SOBP: variants seen among roughly 807,000 people sequenced by gnomAD.
SOBP encodes sine oculis-binding protein homolog.
Under a neutral mutation model 53.6 loss-of-function variants are expected in SOBP, and 4 were observed. That is an observed-to-expected ratio of 0.07 (90% CI 0.04 to 0.17). The LOEUF is 0.17. Among genes scored for constraint, SOBP ranks in the 10% least tolerant of loss-of-function variants. SOBP has a pLI of 1.00. For missense variants in SOBP, 1,088 were observed against 1,204.7 expected, an observed-to-expected ratio of 0.90 and a Z score of 1.43; for synonymous variants, 584 against 522.6, an observed-to-expected ratio of 1.12 and a Z score of -1.60.
At chr6:107,628,139 G>A (rs186626423) in intron 5 of SOBP, among the ~76,000 whole-genome samples, 186 of 152,360 alleles carry the variant, frequency 1.2e-3, no homozygotes, top group Admixed American at 2.2e-3. Flanking sequence ...TTGAGCCGAA[G>A]AGGAATGATT....
chr6:107,521,985 C>A (rs796067259), intron 3 of SOBP, among the ~76,000 whole-genome samples: 10 of 149,678 alleles, frequency 6.7e-5, no homozygotes, highest in African/African-American at 2.5e-4. Flanking sequence ...TGAGAATTAC[C>A]AAGTCCAGAG....
chr6:107,621,020 AT>A (rs1786986288), intron 5 of SOBP: 2 of 208,898 alleles, frequency 9.6e-6, no homozygotes, highest in Non-Finnish European at 1.7e-5. Context: ...GACAACTGAT[AT>A]GTAATTGTTG....
chr6:107,538,290 GC>G (rs1784060326), intron 4 of SOBP, among the ~76,000 whole-genome samples: 1 of 152,098 alleles, frequency 6.6e-6, no homozygotes, highest in Non-Finnish European at 1.5e-5. Flanking sequence ...TGTAACAATT[GC>G]CCTGTTAATC....
chr6:107,503,768 A>G lies in SOBP; in HGVS notation c.208A>G (p.Ser70Gly). 6.2e-7 allele frequency: 1 copy of G among 1,614,122 alleles called. No homozygotes were observed. Among genetic ancestry groups the G allele is most frequent in the South Asian group, 1.1e-5 (1 of 91,072 alleles). ...EFRSYPTDGE[S>G]RQHISVLKEN... Reference sequence around the variant, plus strand: ...CAGGAGCTACCCTACAGATGGGGAGAGCCGGCAGCACATTTCTGTTCTCAA... The same window carrying G: ...CAGGAGCTACCCTACAGATGGGGAGGGCCGGCAGCACATTTCTGTTCTCAA... Residue 70 changes from serine to glycine, a missense_variant, in exon 2 of 7, where the codon AGC (serine) becomes GGC (glycine). By Grantham distance (56) the Ser-to-Gly change is moderately conservative. Transcript: ENST00000317357.
intron 3 of SOBP, among the ~76,000 whole-genome samples, chr6:107,524,804 G>A (rs1047142767): frequency 6.6e-6 from 1 of 152,208 alleles, no homozygotes; most frequent in Non-Finnish European, 1.5e-5. Flanking sequence ...ATGGAAATGC[G>A]CATGCCTCAG....
At chr6:107,503,532 C>A in intron 1 of SOBP, 125 bp from the exon 2 acceptor site, 1 of 1,016,102 alleles carries the variant, frequency 9.8e-7, no homozygotes, top group South Asian at 1.3e-5. Context: ...AAATGAACAC[C>A]ACACTAGGGG....
At chr6:107,616,093 G>A (rs1287534854) in intron 5 of SOBP, among the ~76,000 whole-genome samples, 1 of 121,380 alleles carries the variant, frequency 8.2e-6, no homozygotes, top group African/African-American at 3.1e-5. Flanking sequence ...GTGGGGGGGG[G>A]GCGGGGGGGC....
chr6:107,521,967 A>C (rs201456712), intron 3 of SOBP, among the ~76,000 whole-genome samples: 29 of 140,234 alleles, frequency 2.1e-4, no homozygotes, highest in Middle Eastern at 3.5e-3. Context: ...CACAAACTCA[A>C]TCAAGTCTGA....
intron 6 of SOBP, among the ~76,000 whole-genome samples, chr6:107,643,483 C>T (rs1428198860): frequency 1.3e-5 from 2 of 152,088 alleles, no homozygotes; most frequent in Non-Finnish European, 2.9e-5. Context: ...GTGACGCGAT[C>T]TCGGCCCACT....
chr6:107,634,701 G>T lies in SOBP; in HGVS notation c.1857G>T (p.Glu619Asp). 6.7e-7 allele frequency: 1 copy of T among 1,492,522 alleles called. No homozygotes were observed. Among genetic ancestry groups the T allele is most frequent in the Non-Finnish European group, 8.9e-7 (1 of 1,128,476 alleles). The allele number at this position is 1,492,522 out of a possible 1,614,324, so 92.5% of individuals were successfully genotyped here. ...CGCCCGCCGAGCATGGCCGGAGCGA[G>T]GTGGTGGACCTGACGCGGCGCGCCG... Reference protein sequence around the residue: ...APTPAEHGRSEVVDLTRRAGS... With the variant: ...APTPAEHGRSDVVDLTRRAGS... Residue 619 changes from glutamate to aspartate, a missense_variant, in exon 6 of 7, where the codon GAG (glutamate) becomes GAT (aspartate). This residue lies in a region of SOBP where 665 missense variants were observed against 629.7 expected (regional missense o/e 1.06). Coordinates refer to ENST00000317357, the MANE Select transcript of SOBP (RefSeq NM_018013.4). This position sits in a 1 kb window ranked among gnomAD's most constrained non-coding sequence, Gnocchi z 4.5.
At chr6:107,604,748 C>T (rs1476645768) in intron 5 of SOBP, among the ~76,000 whole-genome samples, 1 of 152,138 alleles carries the variant, frequency 6.6e-6, no homozygotes, top group South Asian at 2.1e-4. Context: ...GGCCCTGAAG[C>T]GGGGTGAGGT....
intron 3 of SOBP, among the ~76,000 whole-genome samples, chr6:107,507,546 TCCAC>T (rs1783032968): frequency 6.6e-6 from 1 of 152,166 alleles, no homozygotes. Flanking sequence ...CCTCAGGTGA[TCCAC>T]CCACCTCGGC....
intron 5 of SOBP, among the ~76,000 whole-genome samples, chr6:107,608,438 G>A (rs1786471012): frequency 6.6e-6 from 1 of 152,018 alleles, no homozygotes. Flanking sequence ...TAGTTGCGTG[G>A]TATTAGAATG....
At chr6:107,511,872 G>A (rs551465408) in intron 3 of SOBP, among the ~76,000 whole-genome samples, 1 of 152,018 alleles carries the variant, frequency 6.6e-6, no homozygotes, top group South Asian at 2.1e-4. Context: ...CCTTGGTATG[G>A]TTTGTGACAG....
intron 5 of SOBP, among the ~76,000 whole-genome samples, chr6:107,628,549 G>A (rs1770565829): frequency 1.3e-5 from 2 of 152,170 alleles, no homozygotes; most frequent in Non-Finnish European, 2.9e-5. Flanking sequence ...TAAAACATGT[G>A]GGACAGGCTG....
chr6:107,544,078 A>G (rs1021302156), intron 4 of SOBP, among the ~76,000 whole-genome samples: 11 of 152,252 alleles, frequency 7.2e-5, no homozygotes, highest in Admixed American at 2.0e-4. Flanking sequence ...ACTGTATTGG[A>G]TGTGGGGAGC....
intron 4 of SOBP, among the ~76,000 whole-genome samples, chr6:107,537,685 A>G (rs955113854): frequency 6.6e-6 from 1 of 152,014 alleles, no homozygotes. Context: ...GCTGGCTGTG[A>G]TGGTGCTCAC....
chr6:107,555,198 A>T (rs1261633079), intron 4 of SOBP, among the ~76,000 whole-genome samples: 1 of 49,058 alleles, frequency 2.0e-5, no homozygotes, highest in Non-Finnish European at 3.2e-5. Context: ...TAAGAGAATG[A>T]AAAAAAAAAA....
At position 107,634,242 on chromosome 6, in the gene SOBP, C is replaced by T. The variant is rs756706588; in HGVS notation, c.1398C>T (p.Pro466=). ...LSPHIHPPST[P]TMPGNPPGLL... is the part of the protein sequence containing the mutation. The stretch of plus-strand genomic sequence containing the variant: ...CCCACATCCACCCCCCGAGCACCCC[C>T]ACCATGCCCGGGAACCCCCCAGGCC... Residue 466 remains proline (P), a synonymous_variant, in exon 6 of 7, where the codon CCC becomes CCT. Coordinates refer to ENST00000317357, the MANE Select transcript of SOBP (RefSeq NM_018013.4). This position sits in a 1 kb window ranked among gnomAD's most constrained non-coding sequence, Gnocchi z 4.5. 1 of 1,581,374 alleles carries T rather than the reference C, an allele frequency of 6.3e-7. No individual in the cohort carries two copies. Among genetic ancestry groups the T allele is most frequent in the Non-Finnish European group, 8.6e-7 (1 of 1,168,702 alleles).
Sources: allele counts gnomAD v4.1 joint callset (sites outside exome capture counted in the v4.1 genomes callset), GRCh38; gene constraint gnomAD v4.1.1; regional missense constraint gnomAD v4.1.1; non-coding constraint Gnocchi (gnomAD v3.1); transcripts MANE v1.5; gene names NCBI Gene and HGNC (gene_info 2026-07-23, HGNC 2026-07-21).